The following SHB variants were observed in gnomAD, a reference collection of about 807,000 sequenced individuals.
SHB encodes the protein SH2 domain containing adaptor protein B.
A neutral mutation model predicts 52.3 loss-of-function variants in SHB; 20 were observed. The observed-to-expected ratio is 0.38, with a 90% CI of 0.27 to 0.56. The LOEUF is 0.56. Among genes scored for constraint, SHB ranks in the 20% least tolerant of loss-of-function variants. The pLI is 0.71. For missense variants in SHB, 825 were observed against 723.3 expected (o/e 1.14, Z -1.61); for synonymous variants, 397 against 316.5 (o/e 1.25, Z -2.70).
At chr9:37,920,076 T>C (rs1005225107) in intron 5 of SHB, 72 bp from the exon 6 acceptor site, 1 of 1,232,568 alleles carries the variant, frequency 8.1e-7, no homozygotes, top group African/African-American at 1.5e-5. Context: ...TCTCCTCAGC[T>C]GTCTGGGACA....
chr9:38,009,180 G>A (rs969455869), intron 2 of SHB, among the ~76,000 whole-genome samples: 6 of 152,198 alleles, frequency 3.9e-5, no homozygotes, highest in Non-Finnish European at 7.3e-5. Context: ...GAGAGAACAG[G>A]AGCCCTAGGA....
In SHB at chr9:37,918,507, G is replaced by A. The variant is rs533729643; in HGVS notation, c.*1314C>T. Among the ~76,000 whole-genome samples, 8 of 141,550 alleles carry A rather than the reference G, an allele frequency of 5.7e-5. No homozygotes were observed. Among genetic ancestry groups the A allele is most frequent in the Admixed American group, 2.1e-4 (3 of 14,406 alleles). 92.9% of individuals were successfully genotyped at this position (141,550 alleles called of 152,430 possible). ...GAGGGCTGTGTGTGTGTGTGTGTGT[G>A]TGTGTGTAGGTGTTCTTGTGTGTGG... On this transcript the variant is annotated 3_prime_UTR_variant, in exon 6 of 6. Transcript: ENST00000377707.
At position 38,020,924 on chromosome 9, in the gene SHB, G is replaced by A. The variant is rs538604642; in HGVS notation, c.718-4793C>T. On this transcript the variant is annotated intron_variant, in intron 1 of 5. Transcript: ENST00000377707. ...TCAGGCCAAGGCCAATTTACTCTCA[G>A]CAAACTCGTTCTAGGAAGATCACCC... Among the ~76,000 whole-genome samples, 6 of 152,328 alleles carry A rather than the reference G, an allele frequency of 3.9e-5. No individual in the cohort carries two copies. The East Asian group carries it at 1.2e-3, about 29-fold the overall frequency.
rs1282108468 is a variant in SHB at position 38,057,955 on chromosome 9, C to T, written c.717+9974G>A. Among the ~76,000 whole-genome samples, 4 of 152,248 alleles carry T rather than the reference C, an allele frequency of 2.6e-5. No homozygotes were observed. In the East Asian group the frequency reaches 5.8e-4, roughly 22 times the overall value. ...GCACTGTCTCCACCGCCCTGTGGTG[C>T]CCAGCTCAGCCATGCAACATAGCAG... is the stretch of plus-strand genomic sequence containing the variant. On this transcript the variant is annotated intron_variant, in intron 1 of 5. Transcript: ENST00000377707.
At chr9:37,956,899 G>A (rs1402655735) in intron 3 of SHB, among the ~76,000 whole-genome samples, 2 of 152,218 alleles carry the variant, frequency 1.3e-5, no homozygotes, top group Non-Finnish European at 2.9e-5. Flanking sequence ...TTAGCACTGT[G>A]CCTGTACCTG....
rs1214427280 is a variant in SHB, at chr9:38,068,159, G to C, written c.487C>G (p.Arg163Gly). ...SSSSGSPHLY[R>G]SSSERRPATP... ...GCGGGCCGCCGCTCGCTGCTGCTGC[G>C]GTAGAGATGCGGAGAGCCGGAGGAC... Residue 163 changes from arginine (R) to glycine (G), a missense_variant, in exon 1 of 6, where the codon CGC (arginine) becomes GGC (glycine). By Grantham distance (125) the Arg-to-Gly change is moderately radical. Transcript: ENST00000377707. The C allele has an allele frequency of 4.2e-6, 6 of 1,442,996 alleles. No individual in the cohort carries two copies. Among genetic ancestry groups the C allele is most frequent in the African/African-American group, 1.5e-5 (1 of 67,166 alleles). The allele number at this position is 1,442,996 out of a possible 1,614,324, so 89.4% of individuals were successfully genotyped here.
intron 3 of SHB, among the ~76,000 whole-genome samples, chr9:37,970,452 C>G (rs777354142): frequency 3.9e-5 from 6 of 151,964 alleles, no homozygotes; most frequent in Non-Finnish European, 8.8e-5. Flanking sequence ...AAGGAAGGCG[C>G]TGACTTCCAG....
chr9:37,945,774 G>A (rs1587204367), intron 5 of SHB, among the ~76,000 whole-genome samples: 4 of 152,262 alleles, frequency 2.6e-5, no homozygotes, highest in East Asian at 3.9e-4. Context: ...AGGTGCAGGT[G>A]GTCCAGCCCA....
intron 3 of SHB, 92 bp downstream of exon 3, chr9:37,974,530 C>A (rs568032343): frequency 1.0e-5 from 11 of 1,082,574 alleles, no homozygotes; most frequent in Admixed American, 6.7e-5. Flanking sequence ...TATTAAACAA[C>A]CCTGGAGTTT....
At chr9:38,012,869 A>G (rs1045714472) in intron 2 of SHB, among the ~76,000 whole-genome samples, 4 of 150,666 alleles carry the variant, frequency 2.7e-5, no homozygotes, top group African/African-American at 9.8e-5. Flanking sequence ...CTAAAAGGTT[A>G]AACTTTTTCC....
chr9:37,934,161 TCTGCGGAC>T (rs1235387662), intron 5 of SHB, among the ~76,000 whole-genome samples: 1 of 152,148 alleles, frequency 6.6e-6, no homozygotes, highest in Non-Finnish European at 1.5e-5. Flanking sequence ...CTTTTTGGGG[TCTGCGGAC>T]CTCCTGAGTC....
At chr9:38,052,948 T>C (rs1302292910) in intron 1 of SHB, among the ~76,000 whole-genome samples, 1 of 152,262 alleles carries the variant, frequency 6.6e-6, no homozygotes, top group East Asian at 1.9e-4. Flanking sequence ...GAAGCTTTCC[T>C]TGATGCCCCT....
At chr9:37,954,498 G>A (rs1587210047) in intron 4 of SHB, among the ~76,000 whole-genome samples, 2 of 152,228 alleles carry the variant, frequency 1.3e-5, no homozygotes, top group Non-Finnish European at 2.9e-5. Context: ...GGAGGGGAGA[G>A]GGTGGGGTCT....
chr9:38,002,969 G>A (rs1197817452), intron 2 of SHB, among the ~76,000 whole-genome samples: 2 of 152,130 alleles, frequency 1.3e-5, no homozygotes, highest in Admixed American at 6.5e-5. Context: ...TTATTAGTAC[G>A]GAGCCTTGGG....
intron 3 of SHB, among the ~76,000 whole-genome samples, chr9:37,957,866 T>G (rs1424983423): frequency 1.3e-5 from 2 of 152,122 alleles, no homozygotes; most frequent in African/African-American, 4.8e-5. Context: ...AAGGAACATC[T>G]GTAGGAAGGA....
Position 38,059,929 on chromosome 9 carries a change from C to T in SHB, c.717+8000G>A, listed in dbSNP as rs535729418. On this transcript the variant is annotated intron_variant, in intron 1 of 5. Coordinates refer to ENST00000377707, the MANE Select transcript of SHB (RefSeq NM_003028.3). Reference sequence around the variant, plus strand: ...TGGCTCTGAGAAGCAAACAAATTACCGGTGTGAAAGTGCCCTTTAAGCTGT... The same window carrying T: ...TGGCTCTGAGAAGCAAACAAATTACTGGTGTGAAAGTGCCCTTTAAGCTGT... Among the ~76,000 whole-genome samples, 25 of 152,290 alleles carry T rather than the reference C, an allele frequency of 1.6e-4. No individual in the cohort carries two copies. The South Asian group carries it at 3.5e-3, about 21-fold the overall frequency.
intron 3 of SHB, among the ~76,000 whole-genome samples, chr9:37,973,512 C>G (rs543293752): frequency 6.6e-6 from 1 of 152,202 alleles, no homozygotes; most frequent in African/African-American, 2.4e-5. Context: ...CGTGAGCCAC[C>G]GCGCCCGGCC....
chr9:38,036,347 G>A (rs945019346), intron 1 of SHB, among the ~76,000 whole-genome samples: 4 of 152,230 alleles, frequency 2.6e-5, no homozygotes, highest in Non-Finnish European at 4.4e-5. Flanking sequence ...ATTAGCATCT[G>A]GGAGGAACAA....
At chr9:38,046,553 A>G (rs1854033371) in intron 1 of SHB, among the ~76,000 whole-genome samples, 1 of 152,276 alleles carries the variant, frequency 6.6e-6, no homozygotes, top group Admixed American at 6.5e-5. Context: ...AATCTTCCAT[A>G]CTCTGGAGTG....
Sources: allele counts gnomAD v4.1 joint callset (sites outside exome capture counted in the v4.1 genomes callset), GRCh38; gene constraint gnomAD v4.1.1; transcripts MANE v1.5; gene names NCBI Gene and HGNC (gene_info 2026-07-23, HGNC 2026-07-21).